ELP1: variants seen among roughly 807,000 people sequenced by gnomAD.
ELP1 encodes elongator acetyltransferase complex subunit 1.
In ELP1, 131 loss-of-function variants were observed where a neutral mutation model predicts 183.2. The ratio of observed to expected loss-of-function variants is 0.72; its 90% confidence interval spans 0.62 to 0.83. The LOEUF is 0.83. ELP1 is among the 40% of genes least tolerant of loss of function. The pLI is 0.00. For synonymous variants in ELP1, 555 were observed against 569.0 expected (o/e 0.98, Z 0.35); for missense variants, 1,550 against 1,594.9 (o/e 0.97, Z 0.48).
chr9:108,927,343 A>G (rs778651783), intron 4 of ELP1, 29 bp downstream of exon 4: 29 of 1,566,490 alleles, frequency 1.9e-5, no homozygotes, highest in Non-Finnish European at 2.5e-5. Flanking sequence ...GTTTTAAAAA[A>G]GCCAGTGAGG....
rs1271784136 is a variant in ELP1, at chr9:108,911,031, G to T, written c.1339C>A (p.Gln447Lys). The part of the protein sequence containing the change: ...NDLAVLDASN[Q>K]ISVYKCGDCP... ...ATACCACATTTATAAACAGAAATCT[G>T]GTTACTGGCATCTAGAACAGCAAGG... The change falls in exon 12 of 37, where the codon CAG becomes AAG. Residue 447 changes from glutamine to lysine, a missense_variant. Physicochemically the swap from Gln to Lys is moderately conservative, Grantham distance 53. Transcript: ENST00000374647. 6.2e-7 allele frequency: 1 copy of T among 1,614,018 alleles called. No homozygotes were observed. Among genetic ancestry groups the T allele is most frequent in the East Asian group, 2.2e-5 (1 of 44,882 alleles).
At chr9:108,898,401 C>T in intron 22 of ELP1, 101 bp downstream of exon 22, 1 of 779,700 alleles carries the variant, frequency 1.3e-6, no homozygotes, top group Non-Finnish European at 2.1e-6. Flanking sequence ...TAAAAATGAA[C>T]AGTAAGGAAT....
intron 10 of ELP1, 69 bp downstream of exon 10, chr9:108,916,135 A>C (rs1829420207): frequency 1.7e-5 from 20 of 1,168,434 alleles, no homozygotes; most frequent in Non-Finnish European, 2.6e-5. Flanking sequence ...GGATGAAGGA[A>C]ATCCCATACC....
chr9:108,882,254 C>T, intron 29 of ELP1, 67 bp from the exon 30 acceptor site: 3 of 1,366,316 alleles, frequency 2.2e-6, no homozygotes, highest in South Asian at 1.2e-5. Context: ...CAGCCAACTA[C>T]AAAACTAACC....
intron 3 of ELP1, 132 bp downstream of exon 3, chr9:108,929,637 G>C: frequency 1.1e-6 from 1 of 917,332 alleles, no homozygotes; most frequent in Non-Finnish European, 1.7e-6. Flanking sequence ...TTTAAATAAA[G>C]AAATATATAA....
At chr9:108,903,437 A>G in intron 15 of ELP1, 126 bp downstream of exon 15, 3 of 726,146 alleles carry the variant, frequency 4.1e-6, no homozygotes, top group Admixed American at 4.1e-5. Context: ...TCTAAAGCTT[A>G]GGGTTTTCCA....
At chr9:108,904,883 C>G (rs1005659452) in intron 14 of ELP1, among the ~76,000 whole-genome samples, 5 of 152,142 alleles carry the variant, frequency 3.3e-5, no homozygotes, top group African/African-American at 1.2e-4. Flanking sequence ...ACAAAACAGT[C>G]TTTTTGAGAA....
chr9:108,921,696 T>C (rs1260044549), intron 6 of ELP1, among the ~76,000 whole-genome samples: 1 of 152,204 alleles, frequency 6.6e-6, no homozygotes, highest in East Asian at 1.9e-4. Flanking sequence ...CTCAGAGTAC[T>C]TACTCCATGT....
chr9:108,931,325 C>G, intron 1 of ELP1, 124 bp from the exon 2 acceptor site: 1 of 636,378 alleles, frequency 1.6e-6, no homozygotes, highest in Admixed American at 2.5e-5. Context: ...ACTTACCTCT[C>G]TGAGTACACA....
chr9:108,921,679 G>A (rs1307417120), intron 6 of ELP1, among the ~76,000 whole-genome samples: 2 of 152,012 alleles, frequency 1.3e-5, no homozygotes, highest in African/African-American at 4.8e-5. Flanking sequence ...AAGAAGCAAG[G>A]TTGTGTCTCA....
chr9:108,919,168 C>A, intron 7 of ELP1, 85 bp downstream of exon 7: 1 of 946,032 alleles, frequency 1.1e-6, no homozygotes, highest in Non-Finnish European at 1.7e-6. Flanking sequence ...TAATACCCTA[C>A]TCAAAGCAAA....
intron 28 of ELP1, among the ~76,000 whole-genome samples, chr9:108,890,796 C>T (rs371406077): frequency 5.9e-5 from 9 of 152,264 alleles, no homozygotes; most frequent in African/African-American, 1.7e-4. Flanking sequence ...ATGGCGTGGC[C>T]GAGATGGAAT....
intron 6 of ELP1, among the ~76,000 whole-genome samples, chr9:108,920,828 T>C (rs1215894415): frequency 1.3e-5 from 2 of 152,204 alleles, no homozygotes; most frequent in African/African-American, 2.4e-5. Context: ...GTTTACTGGA[T>C]AGTACATTAG....
chr9:108,919,170 C>A (rs1175780961), intron 7 of ELP1, 83 bp downstream of exon 7: 1 of 968,506 alleles, frequency 1.0e-6, no homozygotes, highest in Non-Finnish European at 1.6e-6. Flanking sequence ...ATACCCTACT[C>A]AAAGCAAAAG....
chr9:108,872,698 A>G (rs4978750), intron 36 of ELP1, among the ~76,000 whole-genome samples: 57,190 of 144,802 alleles, frequency 0.39, 13,514 homozygotes, highest in African/African-American at 0.68. Context: ...CCAGCTACTC[A>G]GGAGGGTGAG....
intron 31 of ELP1, among the ~76,000 whole-genome samples, chr9:108,880,432 G>C (rs887387150): frequency 1.3e-5 from 2 of 151,484 alleles, no homozygotes; most frequent in African/African-American, 4.9e-5. Flanking sequence ...TAAAGCAAGG[G>C]AGGATTGGCA....
At chr9:108,907,811 T>C (rs1421986546) in intron 13 of ELP1, among the ~76,000 whole-genome samples, 2 of 152,208 alleles carry the variant, frequency 1.3e-5, no homozygotes, top group African/African-American at 4.8e-5. Flanking sequence ...ATAGTGTACC[T>C]GAGGTATTCA....
chr9:108,926,412 G>A (rs546783144), intron 5 of ELP1, 111 bp downstream of exon 5: 291 of 842,138 alleles, frequency 3.5e-4, no homozygotes, highest in Non-Finnish European at 2.3e-4. Flanking sequence ...ATAGCTGGGG[G>A]TTTAACTTTC....
Position 108,930,993 on chromosome 9 carries a change from T to C in ELP1, c.150+4A>G, listed in dbSNP as rs955398261. 3.7e-6 allele frequency: 6 copies of C among 1,614,106 alleles called. No individual in the cohort carries two copies. The African/African-American group carries it at 6.7e-5, about 18-fold the overall frequency. On this transcript the variant is annotated splice_donor_region_variant and intron_variant, in intron 2 of 36. Transcript: ENST00000374647. ...CATGCTGGCATTCTACATCAGTAAC[T>C]TACTTCTCTTGAGACAGGGTCTACT... is the stretch of plus-strand genomic sequence containing the variant.
Sources: gnomAD v4.1 joint callset for allele counts (sites outside exome capture counted in the v4.1 genomes callset) on GRCh38, gnomAD v4.1.1 for gene constraint, MANE v1.5 for transcripts, NCBI Gene and HGNC (gene_info 2026-07-23, HGNC 2026-07-21) for gene names.